Variants in MAD1L1 observed in about 807,000 individuals in gnomAD.
The protein encoded by MAD1L1 is mitotic arrest deficient 1 like 1.
In MAD1L1, 95 loss-of-function variants were observed where a neutral mutation model predicts 96.9. The ratio of observed to expected loss-of-function variants is 0.98; its 90% CI spans 0.83 to 1.16. MAD1L1 has a LOEUF of 1.16. Among genes scored for constraint, MAD1L1 ranks in the 50% most tolerant of loss-of-function variants. MAD1L1 has a pLI of 0.00. For missense variants in MAD1L1, 1,007 were observed against 954.4 expected, an observed-to-expected ratio of 1.06 and a Z score of -0.73; for synonymous variants, 473 against 396.6, an observed-to-expected ratio of 1.19 and a Z score of -2.29.
intron 18 of MAD1L1, among the ~76,000 whole-genome samples, chr7:1,819,820 C>T (rs1445121936): frequency 5.9e-5 from 9 of 152,008 alleles, no homozygotes; most frequent in Non-Finnish European, 7.4e-5. Flanking sequence ...TGGTGGGGCT[C>T]GGAGGCCAAG....
At chr7:1,962,931 A>C (rs1407599499) in intron 15 of MAD1L1, among the ~76,000 whole-genome samples, 1 of 152,152 alleles carries the variant, frequency 6.6e-6, no homozygotes, top group East Asian at 1.9e-4. Context: ...TGGGCAACAG[A>C]GCAAGACCCT....
intron 17 of MAD1L1, among the ~76,000 whole-genome samples, chr7:1,917,028 C>T (rs536181698): frequency 6.6e-6 from 1 of 152,290 alleles, no homozygotes; most frequent in South Asian, 2.1e-4. Context: ...GAATGTCCTC[C>T]ACTCCCCACT....
At chr7:2,218,141 G>A (rs779846058) in intron 6 of MAD1L1, 98 bp from the exon 7 acceptor site, 198 of 882,814 alleles carry the variant, frequency 2.2e-4, no homozygotes, top group Non-Finnish European at 3.4e-4. Flanking sequence ...ACCCACATAC[G>A]TTCATTCCCA....
intron 15 of MAD1L1, among the ~76,000 whole-genome samples, chr7:1,967,876 C>T (rs1036108080): frequency 2.3e-4 from 34 of 148,344 alleles, no homozygotes; most frequent in African/African-American, 9.0e-4. Context: ...AGTTCCGGTG[C>T]GTGCACCAGA....
At chr7:1,954,107 G>A (rs765175804) in intron 16 of MAD1L1, among the ~76,000 whole-genome samples, 1 of 152,196 alleles carries the variant, frequency 6.6e-6, no homozygotes, top group Non-Finnish European at 1.5e-5. Flanking sequence ...ATCCCCGCAT[G>A]TGGCCCATCA....
At chr7:2,003,248 G>A (rs532615606) in intron 13 of MAD1L1, among the ~76,000 whole-genome samples, 63 of 152,316 alleles carry the variant, frequency 4.1e-4, no homozygotes, top group Middle Eastern at 6.8e-3. Context: ...GGAGAGAGGC[G>A]GGGAGGCGTG....
chr7:2,225,438 GCT>G lies in MAD1L1; in HGVS notation c.261_262del (p.Arg87SerfsTer12). 1 of 1,614,026 alleles carries G rather than the reference GCT, an allele frequency of 6.2e-7. No homozygotes were observed. The highest frequency in any genetic ancestry group is 8.5e-7 in the Non-Finnish European group (1 of 1,180,018). On this transcript the variant is annotated frameshift_variant, in exon 4 of 19. Coordinates refer to ENST00000265854, the MANE Select transcript of MAD1L1 (RefSeq NM_001013836.2). LOFTEE classifies it high-confidence loss of function. ...GTAGTTCCTGGCACTGGTGCTGGCTGCTCTCTCCAGCTCCACTCGAGCCCTCT... is the reference window on the plus strand; with the variant it reads ...GTAGTTCCTGGCACTGGTGCTGGCTGCTCTCCAGCTCCACTCGAGCCCTCT...
intron 13 of MAD1L1, among the ~76,000 whole-genome samples, chr7:2,007,715 C>T (rs1279497367): frequency 1.3e-5 from 2 of 152,216 alleles, no homozygotes; most frequent in African/African-American, 4.8e-5. Flanking sequence ...CACAATCCTA[C>T]TCCTGGATGT....
At chr7:2,145,435 T>C (rs903537591) in intron 11 of MAD1L1, among the ~76,000 whole-genome samples, 16 of 152,176 alleles carry the variant, frequency 1.1e-4, no homozygotes, top group Admixed American at 7.2e-4. Context: ...CAGCCTCCAG[T>C]CCTAAGAGCG....
chr7:2,075,357 C>T (rs954841491), intron 11 of MAD1L1, among the ~76,000 whole-genome samples: 4 of 152,168 alleles, frequency 2.6e-5, no homozygotes, highest in Admixed American at 6.5e-5. Flanking sequence ...TGCAGGGCAC[C>T]GGGACCCAGC....
At chr7:1,908,923 T>C (rs765118754) in intron 17 of MAD1L1, among the ~76,000 whole-genome samples, 27 of 152,204 alleles carry the variant, frequency 1.8e-4, no homozygotes, top group Non-Finnish European at 2.6e-4. Context: ...GCTGGGCGCC[T>C]GGCATGAGCA....
At chr7:2,143,875 C>T (rs1789162766) in intron 11 of MAD1L1, among the ~76,000 whole-genome samples, 2 of 152,188 alleles carry the variant, frequency 1.3e-5, no homozygotes, top group Non-Finnish European at 2.9e-5. Context: ...TGAAGAGCTC[C>T]ATCTGCATCC....
intron 14 of MAD1L1, among the ~76,000 whole-genome samples, chr7:1,999,010 C>A (rs1002191944): frequency 6.7e-6 from 1 of 149,028 alleles, no homozygotes; most frequent in Non-Finnish European, 1.5e-5. Context: ...GTCCACAGAG[C>A]CCCCTAACCC....
chr7:1,851,285 C>T (rs749248450), intron 18 of MAD1L1, among the ~76,000 whole-genome samples: 14 of 152,174 alleles, frequency 9.2e-5, no homozygotes, highest in South Asian at 2.1e-4. Context: ...AGCTTGGCCT[C>T]GGCCGGCACA....
chr7:2,025,928 T>G (rs1782978050), intron 12 of MAD1L1, among the ~76,000 whole-genome samples: 1 of 152,116 alleles, frequency 6.6e-6, no homozygotes, highest in African/African-American at 2.4e-5. Flanking sequence ...GATGTTTTCA[T>G]AAAAAACGAA....
chr7:2,123,017 A>C (rs981159729), intron 11 of MAD1L1, among the ~76,000 whole-genome samples: 2 of 152,200 alleles, frequency 1.3e-5, no homozygotes, highest in Non-Finnish European at 2.9e-5. Context: ...AAAAAGCAGC[A>C]GGGGAGCCGG....
chr7:2,195,475 C>T (rs879910998), intron 10 of MAD1L1, among the ~76,000 whole-genome samples: 1 of 152,154 alleles, frequency 6.6e-6, no homozygotes, highest in Non-Finnish European at 1.5e-5. Context: ...GTCAAAATGT[C>T]CTCCAAATAG....
intron 10 of MAD1L1, among the ~76,000 whole-genome samples, chr7:2,208,503 C>T (rs896162360): frequency 3.9e-5 from 6 of 152,172 alleles, no homozygotes; most frequent in African/African-American, 7.2e-5. Context: ...AGTCCGTCCA[C>T]CTTGTATTAT....
chr7:2,169,738 G>A (rs1037863136), intron 10 of MAD1L1, among the ~76,000 whole-genome samples: 4 of 146,584 alleles, frequency 2.7e-5, no homozygotes, highest in East Asian at 1.9e-4. Context: ...TGGAGGGGTC[G>A]GCCAGGACTG....
Sources: allele counts gnomAD v4.1 joint callset (sites outside exome capture counted in the v4.1 genomes callset), GRCh38; gene constraint gnomAD v4.1.1; transcripts MANE v1.5; gene names NCBI Gene and HGNC (gene_info 2026-07-23, HGNC 2026-07-21).